Variants in PHEX observed in about 807,000 individuals in gnomAD.
PHEX encodes phosphate-regulating neutral endopeptidase PHEX.
A neutral mutation model predicts 68.0 loss-of-function variants in PHEX; 16 were observed. The ratio of observed to expected loss-of-function variants is 0.24; its 90% CI spans 0.16 to 0.36. PHEX has a LOEUF of 0.36. PHEX is among the 10% of genes least tolerant of loss of function. PHEX has a pLI of 1.00. For missense variants in PHEX, 480 were observed against 575.5 expected (o/e 0.83, Z 1.70); for synonymous variants, 208 against 205.1 (o/e 1.01, Z -0.12).
At chrX:22,170,601 C>G (rs6654103) in intron 13 of PHEX, among the ~76,000 whole-genome samples, 6,159 of 111,950 alleles carry the variant, frequency 0.055, 374 homozygotes, top group African/African-American at 0.19. Flanking sequence ...TCAATTCACA[C>G]TTGTGGTAGT....
chrX:22,086,581 G>T (rs1343235679), intron 5 of PHEX, among the ~76,000 whole-genome samples: 2 of 111,004 alleles, frequency 1.8e-5, no homozygotes, highest in African/African-American at 3.3e-5. Context: ...CTTCTCTGTG[G>T]CCTCAGCAAC....
chrX:22,227,198 G>A (rs1299198313), intron 19 of PHEX, among the ~76,000 whole-genome samples: 1 of 112,455 alleles, frequency 8.9e-6, no homozygotes, highest in Non-Finnish European at 1.9e-5. Flanking sequence ...TGCCATAGGG[G>A]CCTTGCCATT....
At chrX:22,102,510 T>C (rs1863200717) in intron 9 of PHEX, among the ~76,000 whole-genome samples, 1 of 112,474 alleles carries the variant, frequency 8.9e-6, no homozygotes, top group Non-Finnish European at 1.9e-5. Context: ...CAGGCTGTCT[T>C]GTGATTGCTT....
At chrX:22,146,011 C>A (rs1040276098) in intron 12 of PHEX, among the ~76,000 whole-genome samples, 2 of 112,403 alleles carry the variant, frequency 1.8e-5, no homozygotes, top group African/African-American at 3.2e-5. Context: ...TCATCATTCA[C>A]TGAAGCTCAG....
intron 12 of PHEX, among the ~76,000 whole-genome samples, chrX:22,151,865 A>G (rs1204269916): frequency 9.0e-6 from 1 of 111,505 alleles, no homozygotes; most frequent in East Asian, 2.8e-4. Flanking sequence ...TCCAGAACAG[A>G]AAGCTCAGTG....
intron 12 of PHEX, among the ~76,000 whole-genome samples, chrX:22,148,330 C>G (rs902001837): frequency 9.0e-6 from 1 of 111,432 alleles, no homozygotes; most frequent in South Asian, 3.8e-4. Context: ...CTCTTAATGT[C>G]TGTTCTCAGA....
chrX:22,204,913 C>T (rs1934663807), intron 15 of PHEX, among the ~76,000 whole-genome samples: 1 of 110,344 alleles, frequency 9.1e-6, no homozygotes, highest in South Asian at 3.9e-4. Context: ...ACACTTAAGG[C>T]TTTTGAAAAA....
chrX:22,157,131 C>T (rs1376489832), intron 12 of PHEX, among the ~76,000 whole-genome samples: 3 of 112,045 alleles, frequency 2.7e-5, no homozygotes, highest in Non-Finnish European at 5.6e-5. Flanking sequence ...GATACACCTG[C>T]CTGAGCCTCC....
chrX:22,039,125 C>T (rs772771956), intron 2 of PHEX, among the ~76,000 whole-genome samples: 3 of 111,916 alleles, frequency 2.7e-5, no homozygotes, highest in South Asian at 3.7e-4. Flanking sequence ...CCCACCACCA[C>T]GCCCGGCTGA....
intron 10 of PHEX, among the ~76,000 whole-genome samples, chrX:22,114,225 C>T (rs1465019572): frequency 9.0e-6 from 1 of 110,860 alleles, no homozygotes; most frequent in African/African-American, 3.3e-5. Context: ...GCTGGGATTA[C>T]AGATGTGAGC....
intron 9 of PHEX, among the ~76,000 whole-genome samples, chrX:22,102,752 G>C (rs1037504252): frequency 6.2e-5 from 7 of 112,473 alleles, no homozygotes; most frequent in African/African-American, 2.3e-4. Context: ...GGGGGCTAGA[G>C]AGCTGAGAGG....
At chrX:22,225,236 G>A (rs1935452220) in intron 18 of PHEX, among the ~76,000 whole-genome samples, 1 of 109,510 alleles carries the variant, frequency 9.1e-6, no homozygotes, top group Admixed American at 9.7e-5. Flanking sequence ...AAGAACTTTT[G>A]TAATTACACT....
chrX:22,178,850 T>G (rs946759350), intron 14 of PHEX, among the ~76,000 whole-genome samples: 3 of 112,044 alleles, frequency 2.7e-5, no homozygotes, highest in Non-Finnish European at 5.6e-5. Context: ...ATAGCAGTTA[T>G]GATTTATTTG....
intron 9 of PHEX, among the ~76,000 whole-genome samples, chrX:22,110,344 G>A (rs1165374221): frequency 8.9e-6 from 1 of 112,353 alleles, no homozygotes; most frequent in Non-Finnish European, 1.9e-5. Flanking sequence ...ATACATGTGA[G>A]CTATGCGTAC....
At chrX:22,178,190 G>T (rs1290823395) in intron 13 of PHEX, 83 bp from the exon 14 acceptor site, 4 of 571,789 alleles carry the variant, frequency 7.0e-6, no homozygotes, top group Non-Finnish European at 9.0e-6. Context: ...TCTGCTAGTT[G>T]CTCCTTCCTA....
intron 15 of PHEX, among the ~76,000 whole-genome samples, chrX:22,201,374 A>G (rs992820337): frequency 1.3e-4 from 14 of 111,066 alleles, no homozygotes; most frequent in African/African-American, 4.6e-4. Flanking sequence ...TATTAGAGAC[A>G]GGAGTTTGCC....
intron 3 of PHEX, among the ~76,000 whole-genome samples, chrX:22,075,901 A>G (rs144859698): frequency 8.9e-6 from 1 of 111,887 alleles, no homozygotes; most frequent in Non-Finnish European, 1.9e-5. Flanking sequence ...TGTTTATTCA[A>G]CAATGGATAA....
chrX:22,058,712 A>G (rs1181364915), intron 3 of PHEX, among the ~76,000 whole-genome samples: 1 of 112,568 alleles, frequency 8.9e-6, no homozygotes, highest in African/African-American at 3.2e-5. Flanking sequence ...AGGAAGAGAA[A>G]GAAGAGGAAA....
intron 12 of PHEX, among the ~76,000 whole-genome samples, chrX:22,159,284 A>G (rs1285555366): frequency 1.8e-5 from 2 of 113,257 alleles, no homozygotes; most frequent in Admixed American, 1.9e-4. Context: ...CCCTTGGGCC[A>G]TATTTGGCAT....
Sources: allele counts gnomAD v4.1 joint callset (sites outside exome capture counted in the v4.1 genomes callset), GRCh38; gene constraint gnomAD v4.1.1; transcripts MANE v1.5; gene names NCBI Gene and HGNC (gene_info 2026-07-23, HGNC 2026-07-21).